Variants in FOXK1 observed in about 807,000 individuals in gnomAD.
FOXK1 encodes the protein forkhead box protein K1.
Under a neutral mutation model 51.9 loss-of-function variants are expected in FOXK1, and 19 were observed. That is an observed-to-expected ratio of 0.37 (90% CI 0.26 to 0.54). The LOEUF is 0.54. FOXK1 is among the 20% of genes least tolerant of loss of function. The pLI is 0.87. For missense variants in FOXK1, 870 were observed against 1,032.7 expected (o/e 0.84, Z 2.16); for synonymous variants, 537 against 482.6 (o/e 1.11, Z -1.48).
In FOXK1 at chr7:4,740,892, T is replaced by A; in HGVS notation, c.615T>A (p.Tyr205Ter). The change falls in exon 2 of 9, where the codon TAT becomes TAA. Residue 205 changes from tyrosine (Y) to a stop codon, truncating the protein, a stop_gained. Coordinates refer to ENST00000328914, the MANE Select transcript of FOXK1 (RefSeq NM_001037165.2). LOFTEE classifies it high-confidence loss of function. Reference protein sequence around the residue: ...TAIKIQFTSLYHKEEAPASPL... With the variant: ...TAIKIQFTSL Reference sequence around the variant, plus strand: ...TCAAGATCCAGTTCACGTCGCTCTATCACAAAGAAGAGGCCCCAGCCTCCC... The same window carrying A: ...TCAAGATCCAGTTCACGTCGCTCTAACACAAAGAAGAGGCCCCAGCCTCCC... 6.3e-7 allele frequency: 1 copy of A among 1,594,556 alleles called. No individual in the cohort carries two copies. Among genetic ancestry groups the A allele is most frequent in the East Asian group, 2.4e-5 (1 of 42,338 alleles).
rs1362193032 is a variant in FOXK1 at position 4,761,461 on chromosome 7, G to A, written c.1921+173G>A. 6.6e-6 allele frequency among the ~76,000 whole-genome samples: 1 copy of A among 152,128 alleles called. No individual in the cohort carries two copies. The highest frequency in any genetic ancestry group is 1.5e-5 in the Non-Finnish European group (1 of 68,028). Reference sequence around the variant, plus strand: ...AATGCAAAGAAAAAGAGGGTGGAAGGGGCCACCTATCATCCCAGCACCTTG... The same window carrying A: ...AATGCAAAGAAAAAGAGGGTGGAAGAGGCCACCTATCATCCCAGCACCTTG... On this transcript the variant is annotated intron_variant, in intron 8 of 8. Coordinates refer to ENST00000328914, the MANE Select transcript of FOXK1 (RefSeq NM_001037165.2). This position sits in a 1 kb window ranked among gnomAD's most constrained non-coding sequence, Gnocchi z 6.2.
At chr7:4,689,618 C>T (rs1479039386) in intron 1 of FOXK1, among the ~76,000 whole-genome samples, 1 of 152,130 alleles carries the variant, frequency 6.6e-6, no homozygotes, top group Non-Finnish European at 1.5e-5. Context: ...ATACGGAAGC[C>T]AGTTTCTCAT....
In FOXK1 at chr7:4,768,173, C is replaced by A. The variant is rs1445419887; in HGVS notation, c.*5709C>A. Reference sequence around the variant, plus strand: ...TTTGAGACGGAGTCTCGCTCTGTCGCCCAGGCTGGAGTGCAGTGGCGTGAT... The same window carrying A: ...TTTGAGACGGAGTCTCGCTCTGTCGACCAGGCTGGAGTGCAGTGGCGTGAT... On this transcript the variant is annotated 3_prime_UTR_variant, in exon 9 of 9. Coordinates refer to ENST00000328914, the MANE Select transcript of FOXK1 (RefSeq NM_001037165.2). 1 of 123,558 alleles carries A rather than the reference C, an allele frequency of 8.1e-6. No homozygotes were observed. Among genetic ancestry groups the A allele is most frequent in the African/African-American group, 4.1e-5 (1 of 24,352 alleles). 7.7% of individuals were successfully genotyped at this position (123,558 alleles called of 1,614,324 possible). A position where few individuals can be genotyped will look rare whatever the true frequency, so the allele number is the denominator to read the frequency against.
rs1303322877 is a variant in FOXK1, at chr7:4,734,280, A to G, written c.561-6558A>G. ...TCCTGTTTTCTTTGTCCTTCCTGAG[A>G]CAGATCTCATCCAGCCTCTTCCTTT... On this transcript the variant is annotated intron_variant, in intron 1 of 8. Transcript: ENST00000328914. The surrounding 1 kb of genome is among the most constrained non-coding windows in gnomAD (Gnocchi z 5.2). Among the ~76,000 whole-genome samples the G allele has an allele frequency of 1.3e-5, 2 of 152,142 alleles. No individual in the cohort carries two copies. Among genetic ancestry groups the G allele is most frequent in the Non-Finnish European group, 2.9e-5 (2 of 68,024 alleles).
chr7:4,709,461 A>G lies in FOXK1; in HGVS notation c.560+26593A>G, dbSNP rs1434088973. Among the ~76,000 whole-genome samples the G allele has an allele frequency of 6.6e-6, 1 of 152,052 alleles. No homozygotes were observed. The highest frequency in any genetic ancestry group is 1.5e-5 in the Non-Finnish European group (1 of 68,016). On this transcript the variant is annotated intron_variant, in intron 1 of 8. Transcript: ENST00000328914. The surrounding 1 kb of genome is among the most constrained non-coding windows in gnomAD (Gnocchi z 5.6). Reference sequence around the variant, plus strand: ...TGCTTATCTGGACTCGATGTCTCCGAGCAGATCGAGGCTGGCCCACCCCTG... The same window carrying G: ...TGCTTATCTGGACTCGATGTCTCCGGGCAGATCGAGGCTGGCCCACCCCTG...
intron 1 of FOXK1, among the ~76,000 whole-genome samples, chr7:4,720,008 G>A (rs1039007345): frequency 2.0e-5 from 3 of 152,136 alleles, no homozygotes; most frequent in Non-Finnish European, 2.9e-5. Flanking sequence ...GATGACGTCC[G>A]ATGTGTTGAG....
chr7:4,704,870 C>T, intron 1 of FOXK1, among the ~76,000 whole-genome samples: 1 of 132,468 alleles, frequency 7.5e-6, no homozygotes. Flanking sequence ...CTGGCTCTGT[C>T]ACCCAGGCTG....
chr7:4,740,438 A>C (rs10275252), intron 1 of FOXK1, among the ~76,000 whole-genome samples: 1 of 147,378 alleles, frequency 6.8e-6, no homozygotes, highest in African/African-American at 2.5e-5. Flanking sequence ...TCAAAAAAAA[A>C]AAATAAATAA....
At chr7:4,754,641 G>A (rs1562390204) in intron 3 of FOXK1, 26 bp downstream of exon 3, 6 of 1,594,614 alleles carry the variant, frequency 3.8e-6, no homozygotes, top group Non-Finnish European at 5.1e-6. Flanking sequence ...GCGCCGTGGT[G>A]CACCTGGTGA....
At chr7:4,738,777 C>T (rs766981292) in intron 1 of FOXK1, among the ~76,000 whole-genome samples, 5 of 152,144 alleles carry the variant, frequency 3.3e-5, no homozygotes, top group East Asian at 1.9e-4. Flanking sequence ...TGGCACTGAA[C>T]GATGCGGCCC....
In FOXK1 at chr7:4,722,283, C is replaced by T. The variant is rs1253724782; in HGVS notation, c.561-18555C>T. 6.6e-6 allele frequency among the ~76,000 whole-genome samples: 1 copy of T among 152,250 alleles called. No homozygotes were observed. ...CTCTGCCTTTCCCGAGCGTCCCTGC[C>T]TCAGATTCCAAAATCTGTTGTTCTA... On this transcript the variant is annotated intron_variant, in intron 1 of 8. Transcript: ENST00000328914. This position sits in a 1 kb window ranked among gnomAD's most constrained non-coding sequence, Gnocchi z 5.1.
chr7:4,714,179 C>T (rs1441461724), intron 1 of FOXK1, among the ~76,000 whole-genome samples: 1 of 152,080 alleles, frequency 6.6e-6, no homozygotes, highest in Non-Finnish European at 1.5e-5. Flanking sequence ...TATTTTTGAG[C>T]CCTGAAAACT....
Position 4,729,977 on chromosome 7 carries a change from G to A in FOXK1, c.561-10861G>A, listed in dbSNP as rs909571289. Among the ~76,000 whole-genome samples, 4 of 152,170 alleles carry A rather than the reference G, an allele frequency of 2.6e-5. No homozygotes were observed. The highest frequency in any genetic ancestry group is 6.5e-5 in the Admixed American group (1 of 15,288). On this transcript the variant is annotated intron_variant, in intron 1 of 8. Transcript: ENST00000328914. The surrounding 1 kb of genome is among the most constrained non-coding windows in gnomAD (Gnocchi z 6.2). ...TGCCCTCCAGCCTGGGCGACAGAGC[G>A]AGACTCTGTCGAAACAATTTAAATA...
At chr7:4,705,963 T>C (rs1053662563) in intron 1 of FOXK1, among the ~76,000 whole-genome samples, 2 of 103,358 alleles carry the variant, frequency 1.9e-5, no homozygotes, top group East Asian at 2.0e-4. Flanking sequence ...TATATATGTA[T>C]ATATATATAC....
chr7:4,717,550 G>A (rs1197482520), intron 1 of FOXK1, among the ~76,000 whole-genome samples: 7 of 152,028 alleles, frequency 4.6e-5, no homozygotes, highest in Non-Finnish European at 8.8e-5. Flanking sequence ...GGCAGTGGCA[G>A]GACGTGCATG....
In FOXK1 at chr7:4,711,626, C is replaced by T. The variant is rs1045138172; in HGVS notation, c.560+28758C>T. On this transcript the variant is annotated intron_variant, in intron 1 of 8. Transcript: ENST00000328914. The surrounding 1 kb of genome is among the most constrained non-coding windows in gnomAD (Gnocchi z 6.3). ...CACTCCTCGGCATTGTGTGGATGGG[C>T]GGTAGTGAGAATAATTACTAAGGGC... 3.9e-5 allele frequency among the ~76,000 whole-genome samples: 6 copies of T among 152,012 alleles called. No individual in the cohort carries two copies. The highest frequency in any genetic ancestry group is 2.0e-4 in the Admixed American group (3 of 15,258).
At chr7:4,713,343 T>G (rs1330569431) in intron 1 of FOXK1, among the ~76,000 whole-genome samples, 5 of 152,132 alleles carry the variant, frequency 3.3e-5, no homozygotes, top group African/African-American at 1.2e-4. Context: ...TCCCGCTCAC[T>G]GGGATTCCCG....
At chr7:4,754,772 G>A (rs1185923915) in intron 3 of FOXK1, 157 bp downstream of exon 3, 21 of 976,694 alleles carry the variant, frequency 2.2e-5, no homozygotes, top group South Asian at 3.4e-5. Flanking sequence ...TAGAGCCGTC[G>A]GCCCTTTCTC....
In FOXK1 at chr7:4,766,852, C is replaced by T. The variant is rs954454391; in HGVS notation, c.*4388C>T. 7.2e-5 allele frequency: 11 copies of T among 152,174 alleles called. No individual in the cohort carries two copies. Among genetic ancestry groups the T allele is most frequent in the Admixed American group, 5.2e-4 (8 of 15,284 alleles). The allele number at this position is 152,174 out of a possible 1,614,324, so 9.4% of individuals were successfully genotyped here. Reference sequence around the variant, plus strand: ...GGAGCTGGGACTCTCCAGAAAGCCCCGGGTGAGGGCTCCGTCTTGAGAGAG... The same window carrying T: ...GGAGCTGGGACTCTCCAGAAAGCCCTGGGTGAGGGCTCCGTCTTGAGAGAG... On this transcript the variant is annotated 3_prime_UTR_variant, in exon 9 of 9. Transcript: ENST00000328914. The surrounding 1 kb of genome is among the most constrained non-coding windows in gnomAD (Gnocchi z 5.5).
Sources: gnomAD v4.1 joint callset for allele counts (sites outside exome capture counted in the v4.1 genomes callset) on GRCh38, gnomAD v4.1.1 for gene constraint, Gnocchi (gnomAD v3.1) non-coding constraint, MANE v1.5 for transcripts, NCBI Gene and HGNC (gene_info 2026-07-23, HGNC 2026-07-21) for gene names.